Variants in C10orf143 observed in about 807,000 individuals in gnomAD.
C10orf143 encodes the protein uncharacterized protein C10orf143.
rs1413679076 is a variant in C10orf143, at chr10:130,045,534, C to T, written c.298-9564G>A. Among the ~76,000 whole-genome samples the T allele has an allele frequency of 2.0e-5, 3 of 152,376 alleles. 1 individual carries two copies. In the South Asian group the frequency reaches 6.2e-4, roughly 32 times the overall value. On this transcript the variant is annotated intron_variant and NMD_transcript_variant, in intron 3 of 5. Coordinates refer to the C10orf143 transcript ENST00000643056. Reference sequence around the variant, plus strand: ...CCCAGGACGCCCCCCGCGAGCGCCACGCCCCAAAACCGCGAGGCGCCCCTG... The same window carrying T: ...CCCAGGACGCCCCCCGCGAGCGCCATGCCCCAAAACCGCGAGGCGCCCCTG...
At chr10:130,099,770 C>T (rs1347931353) in intron 1 of C10orf143, among the ~76,000 whole-genome samples, 1 of 151,544 alleles carries the variant, frequency 6.6e-6, no homozygotes, top group Non-Finnish European at 1.5e-5. Context: ...TCAAGTGATC[C>T]GTCCGCCTCA....
At chr10:130,106,808 C>T (rs779282745) in intron 1 of C10orf143, 18 of 1,191,936 alleles carry the variant, frequency 1.5e-5, no homozygotes, top group Non-Finnish European at 1.6e-5. Flanking sequence ...ACATGCAGAA[C>T]AAGTTCTAAA....
rs757344953 is a variant in C10orf143 at position 130,106,676 on chromosome 10, G to A, written c.69+4028C>T. The A allele has an allele frequency of 3.2e-6, 4 of 1,234,106 alleles. No homozygotes were observed. The South Asian group carries it at 4.8e-5, about 15-fold the overall frequency. 76.4% of individuals were successfully genotyped at this position (1,234,106 alleles called of 1,614,324 possible). ...ACAACTGAAGATAGCAATAAAAGAT[G>A]CTTTGAATGAAAACTCTCACCTTCA... On this transcript the variant is annotated intron_variant, in intron 1 of 3. Transcript: ENST00000637128.
chr10:130,077,352 A>G (rs1432243200), intron 3 of C10orf143, among the ~76,000 whole-genome samples: 3 of 152,234 alleles, frequency 2.0e-5, no homozygotes, highest in Non-Finnish European at 4.4e-5. Context: ...TCAGAGCAGA[A>G]CAGATCAGAT....
At chr10:130,101,825 T>TG (rs1861555666) in intron 1 of C10orf143, among the ~76,000 whole-genome samples, 1 of 114,866 alleles carries the variant, frequency 8.7e-6, no homozygotes, top group African/African-American at 3.4e-5. Context: ...AACTCCAGCC[T>TG]GGTGACAGAG....
chr10:130,045,299 TC>T (rs1860654068), intron 3 of C10orf143, among the ~76,000 whole-genome samples: 1 of 152,250 alleles, frequency 6.6e-6, no homozygotes, highest in Non-Finnish European at 1.5e-5. Flanking sequence ...GGCCTGCTCT[TC>T]CCGGCTCCTG....
At chr10:130,042,402 T>C (rs1665193217) in intron 3 of C10orf143, among the ~76,000 whole-genome samples, 1 of 152,246 alleles carries the variant, frequency 6.6e-6, no homozygotes, top group African/African-American at 2.4e-5. Flanking sequence ...TATGACGAAG[T>C]TCCTTTGGCT....
chr10:130,054,596 C>T (rs1383897183), intron 3 of C10orf143, among the ~76,000 whole-genome samples: 2 of 152,212 alleles, frequency 1.3e-5, no homozygotes. Context: ...GGAACTTCCA[C>T]ACTGTTTTCC....
At chr10:130,106,372 GTCA>G (rs1564972415) in intron 1 of C10orf143, 2 of 1,602,006 alleles carry the variant, frequency 1.2e-6, no homozygotes, top group Admixed American at 3.4e-5. Context: ...ATGAAGTAGC[GTCA>G]TCGTTAGAGG....
intron 3 of C10orf143, among the ~76,000 whole-genome samples, chr10:130,047,848 T>TG (rs2134729377): frequency 6.6e-6 from 1 of 151,772 alleles, no homozygotes; most frequent in South Asian, 2.1e-4. Context: ...TGGAAACATT[T>TG]TTTTTTTTCG....
chr10:130,098,748 C>T (rs1307376919), intron 1 of C10orf143, among the ~76,000 whole-genome samples: 2 of 152,164 alleles, frequency 1.3e-5, no homozygotes, highest in Non-Finnish European at 2.9e-5. Flanking sequence ...CGATCCTAAC[C>T]TCATTGTGAC....
chr10:130,061,005 A>G (rs1280770294), downstream of C10orf143, among the ~76,000 whole-genome samples: 1 of 151,910 alleles, frequency 6.6e-6, no homozygotes, highest in African/African-American at 2.4e-5. Flanking sequence ...AGGCGTGGTG[A>G]CACATGCCTG....
At chr10:130,101,943 A>C (rs566755065) in intron 1 of C10orf143, among the ~76,000 whole-genome samples, 1 of 151,510 alleles carries the variant, frequency 6.6e-6, no homozygotes, top group Admixed American at 6.6e-5. Flanking sequence ...GTCCTATAAG[A>C]AATGTTTAAA....
intron 1 of C10orf143, among the ~76,000 whole-genome samples, chr10:130,095,915 A>G (rs1861454908): frequency 6.6e-6 from 1 of 152,066 alleles, no homozygotes; most frequent in Non-Finnish European, 1.5e-5. Context: ...ACCAAAAGCA[A>G]TGACAACAAA....
intron 4 of C10orf143, among the ~76,000 whole-genome samples, chr10:130,035,443 T>C (rs1293070498): frequency 1.3e-5 from 2 of 152,150 alleles, no homozygotes; most frequent in Non-Finnish European, 2.9e-5. Flanking sequence ...TACATGAATT[T>C]GGGGGGACTC....
At chr10:130,088,185 C>G (rs635414) in intron 1 of C10orf143, among the ~76,000 whole-genome samples, 82,023 of 151,884 alleles carry the variant, frequency 0.54, 24,622 homozygotes, top group Admixed American at 0.69. Flanking sequence ...GAGTTCGAGA[C>G]CAGCCTGGCC....
At chr10:130,105,262 G>A (rs1384796925) in intron 1 of C10orf143, among the ~76,000 whole-genome samples, 2 of 152,178 alleles carry the variant, frequency 1.3e-5, no homozygotes, top group African/African-American at 4.8e-5. Flanking sequence ...TGCCACATGG[G>A]AAGCTGTGCA....
downstream of C10orf143, chr10:130,063,810 A>G (rs948993087): frequency 6.6e-5 from 10 of 152,290 alleles, no homozygotes; most frequent in African/African-American, 2.2e-4. Context: ...CCACTTGAAT[A>G]TAAAAGGGAT....
At chr10:130,055,975 A>G (rs1354474364) in intron 3 of C10orf143, among the ~76,000 whole-genome samples, 3 of 150,870 alleles carry the variant, frequency 2.0e-5, no homozygotes, top group Non-Finnish European at 3.0e-5. Context: ...AAAAAAAAAA[A>G]AAAAGAAAGA....
Sources: allele counts gnomAD v4.1 joint callset (sites outside exome capture counted in the v4.1 genomes callset), GRCh38; gene constraint gnomAD v4.1.1; transcripts MANE v1.5; gene names NCBI Gene and HGNC (gene_info 2026-07-23, HGNC 2026-07-21).